Variants in TMEM232 observed in about 807,000 individuals in gnomAD.
The protein encoded by TMEM232 is transmembrane protein 232.
In TMEM232, 80 loss-of-function variants were observed where a neutral mutation model predicts 78.8. The ratio of observed to expected loss-of-function variants is 1.01; its 90% CI spans 0.85 to 1.22. The LOEUF is 1.22. Ranked by LOEUF, TMEM232 falls within the 50% of genes most tolerant of loss-of-function variation. The pLI is 0.00. For missense variants in TMEM232, 881 were observed against 742.2 expected, an observed-to-expected ratio of 1.19 and a Z score of -2.17; for synonymous variants, 297 against 254.3, an observed-to-expected ratio of 1.17 and a Z score of -1.60.
intron 8 of TMEM232, among the ~76,000 whole-genome samples, chr5:110,616,430 C>T (rs1333837363): frequency 2.0e-5 from 3 of 151,916 alleles, no homozygotes; most frequent in Non-Finnish European, 2.9e-5. Context: ...GGATTAAAGT[C>T]TACTTTAATT....
intron 12 of TMEM232, among the ~76,000 whole-genome samples, chr5:110,455,347 G>A (rs1280719891): frequency 6.6e-6 from 1 of 151,754 alleles, no homozygotes; most frequent in Admixed American, 6.6e-5. Context: ...GAAAAACCTA[G>A]TGAACAATAT....
intron 12 of TMEM232, among the ~76,000 whole-genome samples, chr5:110,497,869 T>C (rs1765800254): frequency 6.6e-6 from 1 of 152,040 alleles, no homozygotes; most frequent in African/African-American, 2.4e-5. Context: ...ACTCCCAATT[T>C]TAGAGAAAAA....
At chr5:110,462,529 G>A (rs1431520788) in intron 12 of TMEM232, among the ~76,000 whole-genome samples, 1 of 152,174 alleles carries the variant, frequency 6.6e-6, no homozygotes, top group Non-Finnish European at 1.5e-5. Flanking sequence ...CGTGCTGGAT[G>A]CTTCCTGCCC....
At chr5:110,460,826 T>C (rs1761442284) in intron 12 of TMEM232, among the ~76,000 whole-genome samples, 1 of 152,134 alleles carries the variant, frequency 6.6e-6, no homozygotes, top group Admixed American at 6.6e-5. Flanking sequence ...ATATCTGATA[T>C]GGTGAGCTGT....
chr5:110,398,629 G>A (rs1349478772), intron 2 of TMEM232, among the ~76,000 whole-genome samples: 3 of 152,152 alleles, frequency 2.0e-5, no homozygotes, highest in African/African-American at 7.2e-5. Context: ...AAGGGTATAA[G>A]AAGATGCAAT....
intron 1 of TMEM232, among the ~76,000 whole-genome samples, chr5:110,736,474 T>C (rs1024100141): frequency 5.9e-5 from 9 of 152,192 alleles, no homozygotes; most frequent in Non-Finnish European, 1.2e-4. Flanking sequence ...CATTCTTCTA[T>C]TGTGTATCTT....
At chr5:110,495,768 A>G (rs1765575057) in intron 12 of TMEM232, among the ~76,000 whole-genome samples, 1 of 151,816 alleles carries the variant, frequency 6.6e-6, no homozygotes, top group Non-Finnish European at 1.5e-5. Flanking sequence ...ACTTAATGTC[A>G]CATTTGTAAA....
chr5:110,464,424 C>G (rs1388053051), intron 12 of TMEM232, among the ~76,000 whole-genome samples: 1 of 152,060 alleles, frequency 6.6e-6, no homozygotes, highest in Non-Finnish European at 1.5e-5. Context: ...CCATCATAGG[C>G]CAGAGTAAGT....
chr5:110,520,706 G>T (rs1273770885), intron 12 of TMEM232, among the ~76,000 whole-genome samples: 1 of 152,112 alleles, frequency 6.6e-6, no homozygotes, highest in East Asian at 1.9e-4. Flanking sequence ...GATCACCTGA[G>T]ATCGGTGGTC....
At chr5:110,553,000 C>T (rs75531062) in intron 11 of TMEM232, among the ~76,000 whole-genome samples, 4,431 of 152,164 alleles carry the variant, frequency 0.029, 71 homozygotes, top group African/African-American at 0.047. Context: ...ATAGGGAACC[C>T]CTTCCTCATT....
At chr5:110,413,223 T>C (rs987788345) in intron 2 of TMEM232, among the ~76,000 whole-genome samples, 9 of 152,142 alleles carry the variant, frequency 5.9e-5, no homozygotes, top group African/African-American at 2.2e-4. Flanking sequence ...GGCTGAGTCT[T>C]CTTGCCTCCA....
chr5:110,568,897 T>C (rs1388715032), intron 10 of TMEM232, among the ~76,000 whole-genome samples: 1 of 151,900 alleles, frequency 6.6e-6, no homozygotes, highest in African/African-American at 2.4e-5. Flanking sequence ...ATGGGTAAAC[T>C]GTAAACTACA....
At chr5:110,426,777 G>C (rs1757285824) in intron 12 of TMEM232, among the ~76,000 whole-genome samples, 1 of 151,952 alleles carries the variant, frequency 6.6e-6, no homozygotes, top group Non-Finnish European at 1.5e-5. Context: ...GACATGTAGA[G>C]GCTGACAATT....
chr5:110,666,815 C>G (rs1187967932), intron 2 of TMEM232: 1 of 153,864 alleles, frequency 6.5e-6, no homozygotes, highest in Non-Finnish European at 1.4e-5. Context: ...TGTGAAAGTT[C>G]TTTTCAATTG....
intron 1 of TMEM232, among the ~76,000 whole-genome samples, chr5:110,722,600 A>C (rs1253497757): frequency 1.3e-5 from 2 of 152,184 alleles, no homozygotes; most frequent in East Asian, 3.8e-4. Flanking sequence ...AGAACAATCC[A>C]AGAAACCAAG....
intron 2 of TMEM232, among the ~76,000 whole-genome samples, chr5:110,412,973 A>G (rs1326405273): frequency 6.6e-6 from 1 of 152,174 alleles, no homozygotes; most frequent in African/African-American, 2.4e-5. Flanking sequence ...TACTACTCTT[A>G]GTAAAAAATC....
At chr5:110,511,980 T>C (rs974425146) in intron 12 of TMEM232, among the ~76,000 whole-genome samples, 6 of 152,138 alleles carry the variant, frequency 3.9e-5, no homozygotes, top group Non-Finnish European at 5.9e-5. Context: ...GTTTGGCATA[T>C]AGCCTCCCTT....
At chr5:110,586,815 C>T (rs191748026) in intron 10 of TMEM232, among the ~76,000 whole-genome samples, 1 of 152,130 alleles carries the variant, frequency 6.6e-6, no homozygotes, top group East Asian at 1.9e-4. Flanking sequence ...GTTTATGTTA[C>T]TCCTCATAAA....
intron 6 of TMEM232, 143 bp downstream of exon 6, chr5:110,627,638 G>T: frequency 1.9e-6 from 1 of 519,400 alleles, no homozygotes; most frequent in Non-Finnish European, 3.3e-6. Flanking sequence ...ATGCAATCTG[G>T]CCCTGAAGCT....
Sources: allele counts gnomAD v4.1 joint callset (sites outside exome capture counted in the v4.1 genomes callset), GRCh38; gene constraint gnomAD v4.1.1; transcripts MANE v1.5; gene names NCBI Gene and HGNC (gene_info 2026-07-23, HGNC 2026-07-21).